Variants in MAOB observed in about 807,000 individuals in gnomAD.
MAOB encodes the protein amine oxidase [flavin-containing] B.
Under a neutral mutation model 41.9 loss-of-function variants are expected in MAOB, and 15 were observed. That is an observed-to-expected ratio of 0.36 (90% confidence interval 0.24 to 0.55). The LOEUF is 0.55. MAOB is among the 20% of genes least tolerant of loss of function. The pLI is 0.86. For synonymous variants in MAOB, 167 were observed against 144.2 expected (o/e 1.16, Z -1.13); for missense variants, 345 against 398.7 (o/e 0.87, Z 1.15).
At chrX:43,827,283 T>C (rs984919408) in intron 3 of MAOB, among the ~76,000 whole-genome samples, 1 of 112,190 alleles carries the variant, frequency 8.9e-6, no homozygotes, top group Non-Finnish European at 1.9e-5. Context: ...GGGCAGTTTC[T>C]TGCTGGAGTT....
intron 1 of MAOB, among the ~76,000 whole-genome samples, chrX:43,846,678 T>C (rs555537374): frequency 2.8e-4 from 31 of 111,552 alleles, no homozygotes; most frequent in African/African-American, 9.8e-4. Flanking sequence ...ATTAAGATTG[T>C]CTAGAAGAGG....
intron 11 of MAOB, among the ~76,000 whole-genome samples, chrX:43,778,130 T>C (rs1380926393): frequency 9.0e-6 from 1 of 111,330 alleles, no homozygotes; most frequent in Non-Finnish European, 1.9e-5. Flanking sequence ...GCCTGTCTTC[T>C]TTACATCTCT....
chrX:43,839,222 G>T (rs183978633), intron 2 of MAOB, among the ~76,000 whole-genome samples: 77 of 111,593 alleles, frequency 6.9e-4, no homozygotes, highest in Non-Finnish European at 3.4e-4. Flanking sequence ...CTCTGAATAG[G>T]CAAGAGCTTC....
chrX:43,773,825 TC>T (rs2034218282), intron 12 of MAOB, among the ~76,000 whole-genome samples: 2 of 112,030 alleles, frequency 1.8e-5, no homozygotes, highest in South Asian at 7.4e-4. Flanking sequence ...TTGTGAAGCC[TC>T]CCCAGCCATG....
chrX:43,864,682 G>A (rs1454579301), intron 1 of MAOB, among the ~76,000 whole-genome samples: 2 of 111,528 alleles, frequency 1.8e-5, no homozygotes, highest in African/African-American at 3.3e-5. Context: ...GGACGGGAAG[G>A]GTATGGCTTG....
At chrX:43,787,627 T>C (rs1015218254) in intron 8 of MAOB, among the ~76,000 whole-genome samples, 94 of 112,340 alleles carry the variant, frequency 8.4e-4, no homozygotes, top group Non-Finnish European at 1.5e-3. Flanking sequence ...GAGGTACTTG[T>C]GTACAATTTA....
At chrX:43,832,835 T>C (rs986666515) in intron 3 of MAOB, among the ~76,000 whole-genome samples, 3 of 111,456 alleles carry the variant, frequency 2.7e-5, no homozygotes, top group Non-Finnish European at 3.8e-5. Flanking sequence ...CTGTTTATCC[T>C]ACTTAAAAAC....
chrX:43,871,654 T>C (rs1318018705), intron 1 of MAOB, among the ~76,000 whole-genome samples: 1 of 106,502 alleles, frequency 9.4e-6, no homozygotes, highest in East Asian at 3.0e-4. Flanking sequence ...GTTTGGTAAA[T>C]AGGGCACTCG....
intron 1 of MAOB, among the ~76,000 whole-genome samples, chrX:43,867,699 A>G (rs911449481): frequency 8.9e-6 from 1 of 112,371 alleles, no homozygotes; most frequent in Non-Finnish European, 1.9e-5. Flanking sequence ...CAAGAATTAT[A>G]TGTAACCAAA....
At chrX:43,796,010 G>A (rs1374727323) in intron 6 of MAOB, 122 bp from the exon 7 acceptor site, 9 of 732,412 alleles carry the variant, frequency 1.2e-5, no homozygotes, top group South Asian at 3.7e-5. Context: ...GCAGTGAATA[G>A]TGGCTTTCAC....
At chrX:43,784,015 A>G (rs1479292591) in intron 8 of MAOB, among the ~76,000 whole-genome samples, 1 of 112,172 alleles carries the variant, frequency 8.9e-6, no homozygotes, top group Non-Finnish European at 1.9e-5. Context: ...CATCCATAAG[A>G]AGCAACTCCC....
Position 43,808,808 on chromosome X carries a change from G to A in MAOB, c.280-5404C>T, listed in dbSNP as rs184775675. On this transcript the variant is annotated intron_variant, in intron 3 of 14. Coordinates refer to ENST00000378069, the MANE Select transcript of MAOB (RefSeq NM_000898.5). ...CAACGTCTGCCTCCTTGGTTCAAGC[G>A]ATTCTCCTGCCTCAGCCTCCTGAGT... 1.5e-3 allele frequency among the ~76,000 whole-genome samples: 169 copies of A among 110,348 alleles called. 1 individual carries two copies. Among genetic ancestry groups the A allele is most frequent in the Non-Finnish European group, 2.3e-3 (121 of 52,819 alleles).
At chrX:43,790,074 G>T (rs1335953422) in intron 8 of MAOB, among the ~76,000 whole-genome samples, 1 of 111,487 alleles carries the variant, frequency 9.0e-6, no homozygotes, top group African/African-American at 3.3e-5. Context: ...CAAAACTCTG[G>T]TGATTACTGA....
intron 3 of MAOB, among the ~76,000 whole-genome samples, chrX:43,816,050 A>T (rs1320367201): frequency 8.9e-6 from 1 of 112,191 alleles, no homozygotes; most frequent in Non-Finnish European, 1.9e-5. Context: ...TCATCCTACA[A>T]ATACTCCTAA....
intron 3 of MAOB, among the ~76,000 whole-genome samples, chrX:43,806,416 T>C (rs183095989): frequency 3.8e-4 from 43 of 112,165 alleles, no homozygotes; most frequent in African/African-American, 1.3e-3. Flanking sequence ...AGTTACTTTT[T>C]TCATTTTTAG....
At chrX:43,770,221 A>G (rs779676637) in intron 12 of MAOB, among the ~76,000 whole-genome samples, 4 of 111,188 alleles carry the variant, frequency 3.6e-5, no homozygotes, top group Non-Finnish European at 7.5e-5. Context: ...CACGGGCTGT[A>G]AATACCTGAT....
At chrX:43,837,054 T>C (rs1171411103) in intron 3 of MAOB, among the ~76,000 whole-genome samples, 5 of 112,265 alleles carry the variant, frequency 4.5e-5, no homozygotes, top group Admixed American at 2.8e-4. Context: ...GAGCTGACAA[T>C]AATCTCTGCA....
At chrX:43,771,625 CAT>C (rs776258939) in intron 12 of MAOB, among the ~76,000 whole-genome samples, 2 of 108,600 alleles carry the variant, frequency 1.8e-5, no homozygotes, top group African/African-American at 6.9e-5. Flanking sequence ...TTTTTCACTA[CAT>C]GTTTACTTTT....
chrX:43,833,006 G>A (rs759878743), intron 3 of MAOB, among the ~76,000 whole-genome samples: 6 of 110,738 alleles, frequency 5.4e-5, no homozygotes, highest in Admixed American at 9.7e-5. Flanking sequence ...GAAGAAAGGC[G>A]GGCCAGGTGG....
Sources: allele counts gnomAD v4.1 joint callset (sites outside exome capture counted in the v4.1 genomes callset), GRCh38; gene constraint gnomAD v4.1.1; transcripts MANE v1.5; gene names NCBI Gene and HGNC (gene_info 2026-07-23, HGNC 2026-07-21).